HRNR: variants seen among roughly 807,000 people sequenced by gnomAD.
HRNR encodes the protein filaggrin family member 3.
A neutral mutation model predicts 4.8 loss-of-function variants in HRNR; 7 were observed. That is an observed-to-expected ratio of 1.47 (90% CI 0.83 to 2.75). HRNR has a LOEUF of 2.75. Among genes scored for constraint, HRNR ranks in the 30% most tolerant of loss-of-function variants. HRNR has a pLI of 0.00. For synonymous variants in HRNR, 1,023 were observed against 1,242.7 expected (o/e 0.82, Z 3.72); for missense variants, 2,879 against 3,010.4 (o/e 0.96, Z 1.02).
chr1:152,219,984 C>G lies in HRNR; in HGVS notation c.1645G>C (p.Glu549Gln), dbSNP rs1301109915. 5 of 1,613,748 alleles carry G rather than the reference C, an allele frequency of 3.1e-6. No individual in the cohort carries two copies. Among genetic ancestry groups the G allele is most frequent in the Non-Finnish European group, 3.4e-6 (4 of 1,179,952 alleles). ...QSPSPSRGRH[E>Q]SGSRQSSSYG... Reference sequence around the variant, plus strand: ...CTGGAAGACTGCCTGGAACCAGACTCATGTCGGCCACGGCTAGGGCTAGGA... The same window carrying G: ...CTGGAAGACTGCCTGGAACCAGACTGATGTCGGCCACGGCTAGGGCTAGGA... The change falls in exon 3 of 3, where the codon GAG (glutamate) becomes CAG (glutamine). Residue 549 changes from glutamate to glutamine, a missense_variant. Around this residue, in one of 8 missense-constraint regions of HRNR, gnomAD observed 2,646 missense variants for 1,377.7 expected, o/e 1.92. Transcript: ENST00000368801.
chr1:152,221,214 A>G lies in HRNR; in HGVS notation c.415T>C (p.Ser139Pro), dbSNP rs990805232. Residue 139 changes from serine to proline, a missense_variant, in exon 3 of 3, where the codon TCC becomes CCC. Transcript: ENST00000368801. ...CTTCCTCTGACGTTTCTGGAATAGGAATCATTCTCTCCTGCACTCCAACTT... is the reference window on the plus strand; with the variant it reads ...CTTCCTCTGACGTTTCTGGAATAGGGATCATTCTCTCCTGCACTCCAACTT... Reference protein sequence around the residue: ...HSSWSAGENDSYSRNVRGSLK... With the variant: ...HSSWSAGENDPYSRNVRGSLK... 3.1e-6 allele frequency: 5 copies of G among 1,614,040 alleles called. No homozygotes were observed. In the African/African-American group the frequency reaches 6.7e-5, roughly 22 times the overall value.
chr1:152,213,308 C>T lies in HRNR; in HGVS notation c.8321G>A (p.Arg2774Gln), dbSNP rs777288671. 58 of 836,120 alleles carry T rather than the reference C, an allele frequency of 6.9e-5. 13 individuals are homozygous for T. Among genetic ancestry groups the T allele is most frequent in the Non-Finnish European group, 1.1e-4 (55 of 514,198 alleles). 51.8% of individuals were successfully genotyped at this position (836,120 alleles called of 1,614,324 possible). A position where few individuals can be genotyped will look rare whatever the true frequency, so the allele number is the denominator to read the frequency against. Residue 2774 changes from arginine (R) to glutamine (Q), a missense_variant, in exon 3 of 3, where the codon CGA (arginine) becomes CAA (glutamine). Coordinates refer to ENST00000368801, the MANE Select transcript of HRNR (RefSeq NM_001009931.3). ...AGSGQSLSHG[R>Q]HGSGSGQSSS... is the part of the protein sequence containing the mutation. The stretch of plus-strand genomic sequence containing the variant: ...AGACTGCCCTGAACCAGACCCGTGT[C>T]GGCCGTGGCTAAGAGACTGGCCAGA...
Position 152,220,747 on chromosome 1 carries a change from C to G in HRNR, c.882G>C (p.Leu294Phe), listed in dbSNP as rs370810633. ...ATCCAGACCCTTGTCGGCCGTGGCCCAAAGACTGACGGGAACCAGACCCAT... is the reference window on the plus strand; with the variant it reads ...ATCCAGACCCTTGTCGGCCGTGGCCGAAAGACTGACGGGAACCAGACCCAT... ...GQHGSGSRQS[L>F]GHGRQGSGSR... Residue 294 changes from leucine (L) to phenylalanine (F), a missense_variant, in exon 3 of 3, where the codon TTG (leucine) becomes TTC (phenylalanine). Physicochemically the swap from Leu to Phe is conservative, Grantham distance 22. Transcript: ENST00000368801. 41 of 1,613,262 alleles carry G rather than the reference C, an allele frequency of 2.5e-5. No individual in the cohort carries two copies. The highest frequency in any genetic ancestry group is 3.2e-5 in the Non-Finnish European group (38 of 1,179,838).
Position 152,220,727 on chromosome 1 carries a change from G to C in HRNR, c.902C>G (p.Ser301Cys), listed in dbSNP as rs757978219. 1 of 1,613,928 alleles carries C rather than the reference G, an allele frequency of 6.2e-7. No homozygotes were observed. The highest frequency in any genetic ancestry group is 1.1e-5 in the South Asian group (1 of 91,068). Residue 301 changes from serine to cysteine, a missense_variant, in exon 3 of 3, where the codon TCT (serine) becomes TGT (cysteine). Coordinates refer to ENST00000368801, the MANE Select transcript of HRNR (RefSeq NM_001009931.3). ...GTGGCTAGGAGACTGGCGAGATCCA[G>C]ACCCTTGTCGGCCGTGGCCCAAAGA... ...RQSLGHGRQGSGSRQSPSHVR... is the reference protein window; with the variant it reads ...RQSLGHGRQGCGSRQSPSHVR...
rs1399746412 is a variant in HRNR, at chr1:152,220,253, G to A, written c.1376C>T (p.Ser459Leu). Residue 459 changes from serine (S) to leucine (L), a missense_variant, in exon 3 of 3, where the codon TCA (serine) becomes TTA (leucine). Ser to Leu is a moderately radical substitution (Grantham distance 145, BLOSUM62 -2). This residue lies in a region of HRNR where 2,646 missense variants were observed against 1,377.7 expected (regional missense o/e 1.92). Coordinates refer to ENST00000368801, the MANE Select transcript of HRNR (RefSeq NM_001009931.3). Reference protein sequence around the residue: ...SSSSGPYVSGSGYSSGFGHHE... With the variant: ...SSSSGPYVSGLGYSSGFGHHE... ...GTGACCAAAGCCAGAAGAGTAGCCT[G>A]AACCAGACACATATGGGCCACTGCT... The A allele has an allele frequency of 6.2e-7, 1 of 1,613,860 alleles. No homozygotes were observed. The highest frequency in any genetic ancestry group is 1.3e-5 in the African/African-American group (1 of 74,850).
rs183098781 is a variant in HRNR at position 152,212,977 on chromosome 1, G to A, written c.*99C>T. 13 of 1,487,288 alleles carry A rather than the reference G, an allele frequency of 8.7e-6. No homozygotes were observed. Among genetic ancestry groups the A allele is most frequent in the East Asian group, 2.3e-5 (1 of 43,450 alleles). 92.1% of individuals were successfully genotyped at this position (1,487,288 alleles called of 1,614,324 possible). A position where few individuals can be genotyped will look rare whatever the true frequency, so the allele number is the denominator to read the frequency against. ...AAATGCATTGATTCACTTTTAGAAC[G>A]AATTTCATGATGGATTGCTTGTCTT... On this transcript the variant is annotated 3_prime_UTR_variant, in exon 3 of 3. Transcript: ENST00000368801.
At position 152,212,971 on chromosome 1, in the gene HRNR, T is replaced by A. The variant is rs568488914; in HGVS notation, c.*105A>T. ...AGACAGAAATGCATTGATTCACTTT[T>A]AGAACGAATTTCATGATGGATTGCT... On this transcript the variant is annotated 3_prime_UTR_variant, in exon 3 of 3. Transcript: ENST00000368801. 29 of 1,465,522 alleles carry A rather than the reference T, an allele frequency of 2.0e-5. 2 individuals carry two copies. In the East Asian group the frequency reaches 6.7e-4, roughly 34 times the overall value. 90.8% of individuals were successfully genotyped at this position (1,465,522 alleles called of 1,614,324 possible). A position where few individuals can be genotyped will look rare whatever the true frequency, so the allele number is the denominator to read the frequency against.
rs1289190318 is a variant in HRNR at position 152,213,281 on chromosome 1, G to T, written c.8348C>A (p.Ser2783Tyr). The T allele has an allele frequency of 5.9e-6, 9 of 1,523,688 alleles. No homozygotes were observed. Among genetic ancestry groups the T allele is most frequent in the South Asian group, 3.6e-5 (3 of 84,230 alleles). The allele number at this position is 1,523,688 out of a possible 1,614,324, so 94.4% of individuals were successfully genotyped here. ...GCCAGACCCATGTTGGCCGTAGCTG[G>T]AAGACTGCCCTGAACCAGACCCGTG... ...GRHGSGSGQS[S>Y]SYGQHGSGSG... Residue 2783 changes from serine (S) to tyrosine (Y), a missense_variant, in exon 3 of 3, where the codon TCC becomes TAC. Around this residue, in one of 8 missense-constraint regions of HRNR, gnomAD observed 158 missense variants for 107.6 expected, o/e 1.47. Coordinates refer to ENST00000368801, the MANE Select transcript of HRNR (RefSeq NM_001009931.3).
rs748916275 is a variant in HRNR at position 152,219,018 on chromosome 1, C to G, written c.2611G>C (p.Glu871Gln). ...CCCGAAGCGTGATGGGAGGCAGACT[C>G]ATGCTGACCATAGCTGGAAGATTGA... Reference protein sequence around the residue: ...SGQSSSYGQHESASHHASGRG... With the variant: ...SGQSSSYGQHQSASHHASGRG... The change falls in exon 3 of 3, where the codon GAG becomes CAG. Residue 871 changes from glutamate to glutamine, a missense_variant. This residue lies in a region of HRNR where 2,646 missense variants were observed against 1,377.7 expected (regional missense o/e 1.92). Coordinates refer to ENST00000368801, the MANE Select transcript of HRNR (RefSeq NM_001009931.3). The G allele has an allele frequency of 6.2e-7, 1 of 1,614,016 alleles. No homozygotes were observed. The highest frequency in any genetic ancestry group is 1.3e-5 in the African/African-American group (1 of 74,998).
At position 152,219,465 on chromosome 1, in the gene HRNR, G is replaced by C; in HGVS notation, c.2164C>G (p.His722Asp). The C allele has an allele frequency of 6.2e-7, 1 of 1,613,992 alleles. No homozygotes were observed. The highest frequency in any genetic ancestry group is 8.5e-7 in the Non-Finnish European group (1 of 1,179,996). Reference sequence around the variant, plus strand: ...CCGTGTTTTCTGTAGCCGGAGGAGTGACTTGAGCCAGATCCATGCTGACTG... The same window carrying C: ...CCGTGTTTTCTGTAGCCGGAGGAGTCACTTGAGCCAGATCCATGCTGACTG... ...GYSQHGSGSS[H>D]SSGYRKHGSR... The change falls in exon 3 of 3, where the codon CAC becomes GAC. Residue 722 changes from histidine (H) to aspartate (D), a missense_variant. By Grantham distance (81) the His-to-Asp change is moderately conservative. Around this residue, in one of 8 missense-constraint regions of HRNR, gnomAD observed 2,646 missense variants for 1,377.7 expected, o/e 1.92. Transcript: ENST00000368801.
At position 152,223,232 on chromosome 1, in the gene HRNR, C is replaced by A. The variant is rs150593074; in HGVS notation, c.22G>T (p.Val8Phe). MPKLLQG[V>F]ITVIDVFYQY... The stretch of plus-strand genomic sequence containing the variant: ...TAGAAAACATCGATGACAGTGATGA[C>A]GCCTTGTAGGAGTTTAGGCATTTTT... Residue 8 changes from valine to phenylalanine, a missense_variant, in exon 2 of 3, where the codon GTC (valine) becomes TTC (phenylalanine). Physicochemically the swap from Val to Phe is conservative, Grantham distance 50 (BLOSUM62 -1). Transcript: ENST00000368801. The A allele has an allele frequency of 6.3e-7, 1 of 1,596,742 alleles. No individual in the cohort carries two copies. The highest frequency in any genetic ancestry group is 1.1e-5 in the South Asian group (1 of 89,664).
At chr1:152,222,308 T>C (rs915860125) in intron 2 of HRNR, among the ~76,000 whole-genome samples, 2 of 152,218 alleles carry the variant, frequency 1.3e-5, no homozygotes, top group Non-Finnish European at 2.9e-5. Context: ...TTATGACTTT[T>C]AAGTTATGTT....
chr1:152,219,956 T>C lies in HRNR; in HGVS notation c.1673A>G (p.Tyr558Cys). The C allele has an allele frequency of 6.2e-7, 1 of 1,612,290 alleles. No homozygotes were observed. Among genetic ancestry groups the C allele is most frequent in the Non-Finnish European group, 8.5e-7 (1 of 1,179,402 alleles). The change falls in exon 3 of 3, where the codon TAT becomes TGT. Residue 558 changes from tyrosine (Y) to cysteine (C), a missense_variant. Transcript: ENST00000368801. ...CCCTGAGCCATACCCATGTGGGCCA[T>C]AGCTGGAAGACTGCCTGGAACCAGA... ...HESGSRQSSS[Y>C]GPHGYGSGRS...
At position 152,220,969 on chromosome 1, in the gene HRNR, T is replaced by C. The variant is rs1353678141; in HGVS notation, c.660A>G (p.Thr220=). 6.2e-7 allele frequency: 1 copy of C among 1,614,146 alleles called. No homozygotes were observed. Among genetic ancestry groups the C allele is most frequent in the Non-Finnish European group, 8.5e-7 (1 of 1,180,018 alleles). ...SGSGQSSSND[T]HGSGSGQSSG... ...AAGACTGGCCTGAGCCAGACCCATG[T>C]GTGTCATTGCTGGAAGACTGTCCGG... is the stretch of plus-strand genomic sequence containing the variant. The change falls in exon 3 of 3, where the codon ACA becomes ACG. Residue 220 remains threonine (T), a synonymous_variant. Transcript: ENST00000368801.
In HRNR at chr1:152,220,368, C is replaced by A; in HGVS notation, c.1261G>T (p.Gly421Cys). 1 of 1,613,516 alleles carries A rather than the reference C, an allele frequency of 6.2e-7. No individual in the cohort carries two copies. The change falls in exon 3 of 3, where the codon GGC becomes TGC. Residue 421 changes from glycine to cysteine, a missense_variant. By Grantham distance (159) the Gly-to-Cys change is radical. Transcript: ENST00000368801. ...CGCTGGCCGTGGCCTGGAGACTGGC[C>A]AGATCCAGAGCTGTGTTGGCCGCGG... Reference protein sequence around the residue: ...SGRGQHSSGSGQSPGHGQRGS... With the variant: ...SGRGQHSSGSCQSPGHGQRGS...
Position 152,220,393 on chromosome 1 carries a change from G to T in HRNR, c.1236C>A (p.Gly412=), listed in dbSNP as rs756856015. ...CAGATCCAGAGCTGTGTTGGCCGCG[G>T]CCTGAAGAGTGACGGGAGGCAGACT... ...QHESASRHSS[G]RGQHSSGSGQ... Residue 412 remains glycine (G), a synonymous_variant, in exon 3 of 3, where the codon GGC becomes GGA. Transcript: ENST00000368801. The T allele has an allele frequency of 1.2e-6, 2 of 1,614,032 alleles. No homozygotes were observed. Among genetic ancestry groups the T allele is most frequent in the South Asian group, 1.1e-5 (1 of 91,072 alleles).
In HRNR at chr1:152,213,012, A is replaced by G; in HGVS notation, c.*64T>C. The G allele has an allele frequency of 6.4e-7, 1 of 1,551,298 alleles. No individual in the cohort carries two copies. The highest frequency in any genetic ancestry group is 8.7e-7 in the Non-Finnish European group (1 of 1,150,498). The stretch of plus-strand genomic sequence containing the variant: ...ATGGATTGCTTGTCTTTCATGATGA[A>G]TTCATAGATGACTTTCCTATTTCTT... On this transcript the variant is annotated 3_prime_UTR_variant, in exon 3 of 3. Transcript: ENST00000368801.
rs543782303 is a variant in HRNR, at chr1:152,222,325, C to G, written c.138+791G>C. Among the ~76,000 whole-genome samples the G allele has an allele frequency of 3.6e-4, 54 of 152,068 alleles. 1 individual carries two copies. Among genetic ancestry groups the G allele is most frequent in the Non-Finnish European group, 1.3e-4 (9 of 68,010 alleles). On this transcript the variant is annotated intron_variant, in intron 2 of 2. Coordinates refer to ENST00000368801, the MANE Select transcript of HRNR (RefSeq NM_001009931.3). Reference sequence around the variant, plus strand: ...ATGACTTTTAAGTTATGTTAAGGAACTTTGTACTTCATTTTAAGAGCAATT... The same window carrying G: ...ATGACTTTTAAGTTATGTTAAGGAAGTTTGTACTTCATTTTAAGAGCAATT...
rs1570845517 is a variant in HRNR at position 152,220,765 on chromosome 1, A to C, written c.864T>G (p.Ser288=). The C allele has an allele frequency of 6.2e-7, 1 of 1,614,190 alleles. No homozygotes were observed. The change falls in exon 3 of 3, where the codon TCT becomes TCG. Residue 288 remains serine, a synonymous_variant. Coordinates refer to ENST00000368801, the MANE Select transcript of HRNR (RefSeq NM_001009931.3). ...GSSSSYGQHG[S]GSRQSLGHGR... Reference sequence around the variant, plus strand: ...CGTGGCCCAAAGACTGACGGGAACCAGACCCATGCTGACCATAGCTGGAAG... The same window carrying C: ...CGTGGCCCAAAGACTGACGGGAACCCGACCCATGCTGACCATAGCTGGAAG...
Sources: gnomAD v4.1 joint callset for allele counts (sites outside exome capture counted in the v4.1 genomes callset) on GRCh38, gnomAD v4.1.1 for gene constraint, gnomAD v4.1.1 regional missense constraint, MANE v1.5 for transcripts, NCBI Gene and HGNC (gene_info 2026-07-23, HGNC 2026-07-21) for gene names.